Variants in TAFA2 observed in about 807,000 individuals in gnomAD.
TAFA2 encodes TAFA chemokine like family member 2.
Under a neutral mutation model 18.8 loss-of-function variants are expected in TAFA2, and 7 were observed. The ratio of observed to expected loss-of-function variants is 0.37; its 90% confidence interval spans 0.21 to 0.70. The LOEUF is 0.70. TAFA2 is among the 30% of genes least tolerant of loss of function. The pLI, the probability that TAFA2 is intolerant of heterozygous loss-of-function variation, is 0.53. For missense variants in TAFA2, 122 were observed against 158.1 expected, an observed-to-expected ratio of 0.77 and a Z score of 1.23; for synonymous variants, 60 against 54.2, an observed-to-expected ratio of 1.11 and a Z score of -0.47.
chr12:61,831,682 C>T (rs7963145), intron 2 of TAFA2, among the ~76,000 whole-genome samples: 44,580 of 151,772 alleles, frequency 0.29, 6,976 homozygotes, highest in South Asian at 0.4. Context: ...AACTCTTTAG[C>T]TTGTTTTAAT....
chr12:61,742,488 TG>T (rs896546128), intron 4 of TAFA2, among the ~76,000 whole-genome samples: 5 of 152,112 alleles, frequency 3.3e-5, no homozygotes, highest in Non-Finnish European at 5.9e-5. Context: ...CCCCAGACTC[TG>T]GTCTTTCTTG....
chr12:61,942,299 C>T (rs1878066379), intron 1 of TAFA2, among the ~76,000 whole-genome samples: 2 of 147,520 alleles, frequency 1.4e-5, no homozygotes, highest in Non-Finnish European at 3.0e-5. Context: ...GAAAACCCAT[C>T]TGTACATCAC....
chr12:61,746,810 G>A (rs541824684), intron 4 of TAFA2, among the ~76,000 whole-genome samples: 35 of 152,178 alleles, frequency 2.3e-4, no homozygotes, highest in African/African-American at 6.5e-4. Flanking sequence ...TCTGACAATA[G>A]GAGGCAATAA....
upstream of TAFA2, chr12:62,260,013 A>G (rs1435647265): frequency 4.6e-6 from 1 of 216,734 alleles, no homozygotes; most frequent in East Asian, 1.6e-4. Flanking sequence ...ACCCTACCTC[A>G]CCCTCAAGCG....
chr12:61,867,196 A>T lies in TAFA2; in HGVS notation c.106+124T>A. ...TAACACTGCATTATTACTTAAAGAA[A>T]ACTGCCAGGGGGAGAATCTATACCT... On this transcript the variant is annotated intron_variant, in intron 2 of 4. Transcript: ENST00000416284. The T allele has an allele frequency of 6.2e-6, 4 of 642,456 alleles. No individual in the cohort carries two copies. In the South Asian group the frequency reaches 7.5e-5, roughly 12 times the overall value. 39.8% of individuals were successfully genotyped at this position (642,456 alleles called of 1,614,324 possible).
chr12:62,185,544 A>C (rs2062580414), intron 1 of TAFA2, among the ~76,000 whole-genome samples: 1 of 152,194 alleles, frequency 6.6e-6, no homozygotes, highest in Non-Finnish European at 1.5e-5. Flanking sequence ...GCACCAACAA[A>C]TTTGAGTATG....
intron 1 of TAFA2, among the ~76,000 whole-genome samples, chr12:62,169,490 T>C (rs566503532): frequency 2.6e-5 from 4 of 152,294 alleles, no homozygotes; most frequent in South Asian, 4.1e-4. Flanking sequence ...AAGTGTTTAT[T>C]GGTTATAATA....
chr12:62,030,080 C>T (rs377096112), intron 1 of TAFA2, among the ~76,000 whole-genome samples: 1 of 152,024 alleles, frequency 6.6e-6, no homozygotes, highest in African/African-American at 2.4e-5. Context: ...ATTTTAGGAA[C>T]GTAAAGGCAC....
At chr12:61,733,881 G>A (rs540672339) in intron 4 of TAFA2, among the ~76,000 whole-genome samples, 5,086 of 148,730 alleles carry the variant, frequency 0.034, 214 homozygotes, top group African/African-American at 0.12. Context: ...CCATTTTCAT[G>A]ATATTGATTC....
At chr12:62,028,160 C>G (rs541913052) in intron 1 of TAFA2, among the ~76,000 whole-genome samples, 1 of 152,222 alleles carries the variant, frequency 6.6e-6, no homozygotes, top group African/African-American at 2.4e-5. Flanking sequence ...CTCTAATAGC[C>G]TAGTACTATA....
chr12:62,234,737 T>C, intron 1 of TAFA2: 1 of 1,106,408 alleles, frequency 9.0e-7, no homozygotes, highest in Non-Finnish European at 1.4e-6. Flanking sequence ...TACCAGTCCT[T>C]TCCTGAGGCC....
At chr12:61,778,128 A>G (rs1034497035) in intron 2 of TAFA2, among the ~76,000 whole-genome samples, 4 of 151,854 alleles carry the variant, frequency 2.6e-5, no homozygotes, top group African/African-American at 9.7e-5. Flanking sequence ...TCTACTTAAC[A>G]AAAGTGTTCT....
chr12:61,802,428 C>CA (rs1871437065), intron 2 of TAFA2, among the ~76,000 whole-genome samples: 1 of 151,912 alleles, frequency 6.6e-6, no homozygotes, highest in Non-Finnish European at 1.5e-5. Flanking sequence ...TATACAGCCA[C>CA]AAAAAGAAAG....
chr12:61,863,697 C>T (rs546705671), intron 2 of TAFA2, among the ~76,000 whole-genome samples: 5 of 152,298 alleles, frequency 3.3e-5, no homozygotes, highest in African/African-American at 1.2e-4. Context: ...AACGTAGCTG[C>T]TGATACACTA....
intron 1 of TAFA2, among the ~76,000 whole-genome samples, chr12:62,202,016 T>G (rs1471991580): frequency 6.6e-6 from 1 of 152,222 alleles, no homozygotes; most frequent in East Asian, 1.9e-4. Flanking sequence ...GATTTTCTAG[T>G]TTATTTGCAT....
chr12:61,966,145 TCTC>T (rs1879058087), intron 1 of TAFA2, among the ~76,000 whole-genome samples: 2 of 151,880 alleles, frequency 1.3e-5, no homozygotes, highest in South Asian at 4.1e-4. Context: ...TGTTCCAACT[TCTC>T]CTCATCTTCA....
intron 1 of TAFA2, among the ~76,000 whole-genome samples, chr12:61,997,392 A>G (rs12228666): frequency 0.11 from 16,450 of 152,102 alleles, 995 homozygotes; most frequent in Middle Eastern, 0.19. Flanking sequence ...AAGACCTGCT[A>G]TTAGTAATGA....
chr12:61,847,439 A>G (rs1873453501), intron 2 of TAFA2, among the ~76,000 whole-genome samples: 1 of 152,196 alleles, frequency 6.6e-6, no homozygotes, highest in Non-Finnish European at 1.5e-5. Flanking sequence ...TTTGGAAGAA[A>G]AGAAACCCAT....
At chr12:61,830,120 G>A (rs565164042) in intron 2 of TAFA2, among the ~76,000 whole-genome samples, 2 of 151,368 alleles carry the variant, frequency 1.3e-5, no homozygotes, top group African/African-American at 4.8e-5. Flanking sequence ...TCTACCAATG[G>A]TTGACTGGAT....
Sources: gnomAD v4.1 joint callset for allele counts (sites outside exome capture counted in the v4.1 genomes callset) on GRCh38, gnomAD v4.1.1 for gene constraint, MANE v1.5 for transcripts, NCBI Gene and HGNC (gene_info 2026-07-23, HGNC 2026-07-21) for gene names.